The following LMBRD2 variants were observed in gnomAD, a reference collection of about 807,000 sequenced individuals.
LMBRD2 encodes the protein LMBR1 domain containing 2, also known as G protein-coupled receptor-associated protein LMBRD2.
Under a neutral mutation model 94.4 loss-of-function variants are expected in LMBRD2, and 55 were observed. That is an observed-to-expected ratio of 0.58 (90% CI 0.47 to 0.73). LMBRD2 has a LOEUF of 0.73. Ranked by LOEUF, LMBRD2 falls within the 30% of genes least tolerant of loss-of-function variation. The pLI is 0.00. For missense variants in LMBRD2, 640 were observed against 831.9 expected, an observed-to-expected ratio of 0.77 and a Z score of 2.84; for synonymous variants, 246 against 272.4, an observed-to-expected ratio of 0.90 and a Z score of 0.95.
chr5:36,142,588 G>A lies in LMBRD2; in HGVS notation c.186C>T (p.Asn62=), dbSNP rs749625497. 7.5e-6 allele frequency: 12 copies of A among 1,601,400 alleles called. No homozygotes were observed. Among genetic ancestry groups the A allele is most frequent in the South Asian group, 5.5e-5 (5 of 90,826 alleles). Residue 62 remains asparagine (N), a synonymous_variant, in exon 3 of 18, where the codon AAC becomes AAT. Coordinates refer to ENST00000296603, the MANE Select transcript of LMBRD2 (RefSeq NM_001007527.2). ...AATTTGCAGCAGCATGCTTGCACCG[G>A]TTGTATATTGTCTAAAGCAACGAAT... ...LPLDVSTTIY[N]RCKHAAANSS...
chr5:36,108,969 C>T (rs960111721), intron 15 of LMBRD2, among the ~76,000 whole-genome samples: 6 of 152,088 alleles, frequency 3.9e-5, no homozygotes, highest in South Asian at 2.1e-4. Context: ...GACTAACAGA[C>T]GTTAACAAGA....
At position 36,098,979 on chromosome 5, in the gene LMBRD2, GATTA is replaced by G. The variant is rs947498602; in HGVS notation, c.*5063_*5066del. 15 of 152,184 alleles carry G rather than the reference GATTA, an allele frequency of 9.9e-5. No homozygotes were observed. Among genetic ancestry groups the G allele is most frequent in the Admixed American group, 9.2e-4 (14 of 15,266 alleles). The allele number at this position is 152,184 out of a possible 1,614,324, so 9.4% of individuals were successfully genotyped here. On this transcript the variant is annotated 3_prime_UTR_variant, in exon 18 of 18. Coordinates refer to ENST00000296603, the MANE Select transcript of LMBRD2 (RefSeq NM_001007527.2). ...TTATGATCATATGCACATTTGAAAA[GATTA>G]ATTTTCTATTTCACCTAATCAACTG... is the stretch of plus-strand genomic sequence containing the variant.
chr5:36,136,201 G>T, intron 6 of LMBRD2, 108 bp downstream of exon 6: 2 of 979,244 alleles, frequency 2.0e-6, no homozygotes, highest in Non-Finnish European at 3.2e-6. Context: ...CACCAGTTTT[G>T]CAGTCTGAAG....
chr5:36,117,040 T>A (rs1377137258), intron 10 of LMBRD2, among the ~76,000 whole-genome samples: 1 of 152,098 alleles, frequency 6.6e-6, no homozygotes, highest in African/African-American at 2.4e-5. Context: ...GAGAATTTTT[T>A]AATCACCCAC....
intron 13 of LMBRD2, among the ~76,000 whole-genome samples, chr5:36,113,704 T>A (rs1379727222): frequency 6.6e-6 from 1 of 152,134 alleles, no homozygotes; most frequent in Non-Finnish European, 1.5e-5. Context: ...TGAACATTTT[T>A]AAGTATTTTT....
rs141708805 is a variant in LMBRD2 at position 36,121,697 on chromosome 5, TAAC to T, written c.1120+580_1120+582del. ...ATTTTAAGTACAGTCATGTGTCACA[TAAC>T]AACATTCCAGTCAATGATGGACTGC... On this transcript the variant is annotated intron_variant, in intron 9 of 17. Coordinates refer to ENST00000296603, the MANE Select transcript of LMBRD2 (RefSeq NM_001007527.2). Among the ~76,000 whole-genome samples the T allele has an allele frequency of 6.2e-3, 938 of 152,314 alleles. 5 individuals carry two copies. Among genetic ancestry groups the T allele is most frequent in the African/African-American group, 0.021 (855 of 41,564 alleles).
intron 16 of LMBRD2, among the ~76,000 whole-genome samples, chr5:36,107,250 T>C (rs1183240279): frequency 6.6e-6 from 1 of 152,200 alleles, no homozygotes. Flanking sequence ...TTCATGCACA[T>C]TGTCCAACCT....
chr5:36,148,696 T>C (rs1318309030), intron 1 of LMBRD2, among the ~76,000 whole-genome samples: 1 of 152,218 alleles, frequency 6.6e-6, no homozygotes, highest in Admixed American at 6.5e-5. Context: ...AGAGGTTAAG[T>C]AACTTGTCCA....
intron 14 of LMBRD2, 131 bp downstream of exon 14, chr5:36,111,024 A>AAATG (rs1743591985): frequency 6.6e-6 from 4 of 606,412 alleles, no homozygotes; most frequent in Non-Finnish European, 8.6e-6. Flanking sequence ...TTTTAGCTAA[A>AAATG]AATGTGCATT....
At chr5:36,131,341 C>G (rs1744148221) in intron 6 of LMBRD2, among the ~76,000 whole-genome samples, 1 of 151,990 alleles carries the variant, frequency 6.6e-6, no homozygotes, top group South Asian at 2.1e-4. Flanking sequence ...TACCTCAACA[C>G]TATAAAAGTC....
rs915426777 is a variant in LMBRD2, at chr5:36,135,121, A to G, written c.747+1188T>C. Among the ~76,000 whole-genome samples, 4 of 152,166 alleles carry G rather than the reference A, an allele frequency of 2.6e-5. 1 individual carries two copies. The highest frequency in any genetic ancestry group is 1.3e-4 in the Admixed American group (2 of 15,274). The stretch of plus-strand genomic sequence containing the variant: ...AATGACATTGCACACAAAGCCTAAA[A>G]TATTTACTATCTGGCCCTTTACAGA... On this transcript the variant is annotated intron_variant, in intron 6 of 17. Coordinates refer to ENST00000296603, the MANE Select transcript of LMBRD2 (RefSeq NM_001007527.2).
Position 36,114,518 on chromosome 5 carries a change from T to C in LMBRD2, c.1546A>G (p.Met516Val). The C allele has an allele frequency of 6.5e-7, 1 of 1,534,842 alleles. No individual in the cohort carries two copies. The highest frequency in any genetic ancestry group is 8.7e-7 in the Non-Finnish European group (1 of 1,148,894). Residue 516 changes from methionine to valine, a missense_variant, in exon 13 of 18, where the codon ATG becomes GTG. By Grantham distance (21) the Met-to-Val change is conservative. Coordinates refer to ENST00000296603, the MANE Select transcript of LMBRD2 (RefSeq NM_001007527.2). ...NTQPTAYTSI[M>V]GSMKVLSFIA... ...AAGGATAAAACTTTCATGGAACCCA[T>C]AATCTGAAGAGCAAGAAAAAAGTAA...
Position 36,141,209 on chromosome 5 carries a change from A to C in LMBRD2, c.273-7T>G, listed in dbSNP as rs1744402814. ...CTTGAAACAAGGATGCTGGCTGTTG[A>C]ATAAAAAGTTAAAGCCAACTAATCA... On this transcript the variant is annotated splice_region_variant and splice_polypyrimidine_tract_variant and intron_variant, in intron 3 of 17. Coordinates refer to ENST00000296603, the MANE Select transcript of LMBRD2 (RefSeq NM_001007527.2). 1.3e-6 allele frequency: 2 copies of C among 1,568,756 alleles called. No homozygotes were observed.
chr5:36,132,664 CA>C lies in LMBRD2; in HGVS notation c.747+3644del, dbSNP rs35930344. ...AAATGGGCAAAAGATTTGAATTTCT[CA>C]AAAAAAAAAAAAAAGACATACAAAT... On this transcript the variant is annotated intron_variant, in intron 6 of 17. Coordinates refer to ENST00000296603, the MANE Select transcript of LMBRD2 (RefSeq NM_001007527.2). 2.1e-3 allele frequency among the ~76,000 whole-genome samples: 282 copies of C among 133,964 alleles called. 2 individuals carry two copies. Among genetic ancestry groups the C allele is most frequent in the South Asian group, 0.011 (47 of 4,184 alleles). The allele number at this position is 133,964 out of a possible 152,430, so 87.9% of individuals were successfully genotyped here.
At position 36,114,471 on chromosome 5, in the gene LMBRD2, T is replaced by C. The variant is rs752593922; in HGVS notation, c.1593A>G (p.Ile531Met). ...GAATTACCACCAACATAGGATAATA[T>C]ATATAGAATCCATCTGCAATAAAGG... ...VLSFIADGFY[I>M]YYPMLVVILC... The change falls in exon 13 of 18, where the codon ATA becomes ATG. Residue 531 changes from isoleucine (I) to methionine (M), a missense_variant. Around this residue, in one of 2 missense-constraint regions of LMBRD2, gnomAD observed 457 missense variants for 642.8 expected, o/e 0.71. Coordinates refer to ENST00000296603, the MANE Select transcript of LMBRD2 (RefSeq NM_001007527.2). The C allele has an allele frequency of 2.5e-6, 4 of 1,569,284 alleles. No homozygotes were observed. The highest frequency in any genetic ancestry group is 2.4e-5 in the South Asian group (2 of 82,462).
intron 6 of LMBRD2, among the ~76,000 whole-genome samples, chr5:36,126,958 T>C (rs1374070496): frequency 6.6e-6 from 1 of 152,248 alleles, no homozygotes; most frequent in Non-Finnish European, 1.5e-5. Context: ...CCCAGAATGT[T>C]ATCAGCTATC....
chr5:36,109,454 C>G (rs1743552035), intron 15 of LMBRD2, among the ~76,000 whole-genome samples: 1 of 151,988 alleles, frequency 6.6e-6, no homozygotes, highest in Non-Finnish European at 1.5e-5. Flanking sequence ...TATATACACC[C>G]ATTTGTTAAA....
rs375353519 is a variant in LMBRD2, at chr5:36,106,787, C to T, written c.1898-1590G>A. 6.6e-5 allele frequency among the ~76,000 whole-genome samples: 10 copies of T among 152,188 alleles called. No homozygotes were observed. In the South Asian group the frequency reaches 2.1e-3, roughly 32 times the overall value. On this transcript the variant is annotated intron_variant, in intron 16 of 17. Transcript: ENST00000296603. ...AGCTTCACAGGCATAAGCCACCGCGCCTGGCCCCAAATCCAAACATTGGAG... is the reference window on the plus strand; with the variant it reads ...AGCTTCACAGGCATAAGCCACCGCGTCTGGCCCCAAATCCAAACATTGGAG...
Position 36,143,278 on chromosome 5 carries a change from A to T in LMBRD2, c.72T>A (p.Tyr24Ter). The stretch of plus-strand genomic sequence containing the variant: ...GTCTATGCTGTTTCTTAAAGTCTCC[A>T]TATCGATGAAGCAGAAATAATGCCA... ...FFLALFLLHR[Y>*]GDFKKQHRLV... The change falls in exon 2 of 18, where the codon TAT (tyrosine) becomes TAA (stop). Residue 24 changes from tyrosine to a stop codon, truncating the protein, a stop_gained. Coordinates refer to ENST00000296603, the MANE Select transcript of LMBRD2 (RefSeq NM_001007527.2). LOFTEE classifies it high-confidence loss of function. 1 of 1,612,876 alleles carries T rather than the reference A, an allele frequency of 6.2e-7. No homozygotes were observed. The highest frequency in any genetic ancestry group is 8.5e-7 in the Non-Finnish European group (1 of 1,178,880).
Sources: gnomAD v4.1 joint callset for allele counts (sites outside exome capture counted in the v4.1 genomes callset) on GRCh38, gnomAD v4.1.1 for gene constraint, gnomAD v4.1.1 regional missense constraint, MANE v1.5 for transcripts, NCBI Gene and HGNC (gene_info 2026-07-23, HGNC 2026-07-21) for gene names.